Variants in GRID1 observed in about 807,000 individuals in gnomAD.
GRID1 encodes the protein glutamate ionotropic receptor delta type subunit 1, also known as glutamate receptor ionotropic, delta-1.
A neutral mutation model predicts 98.0 loss-of-function variants in GRID1; 28 were observed. The observed-to-expected ratio is 0.29, with a 90% CI of 0.21 to 0.39. The LOEUF is 0.39. Among genes scored for constraint, GRID1 ranks in the 10% least tolerant of loss-of-function variants. The pLI is 1.00. For synonymous variants in GRID1, 553 were observed against 538.5 expected (o/e 1.03, Z -0.37); for missense variants, 1,111 against 1,340.5 (o/e 0.83, Z 2.67).
intron 15 of GRID1, among the ~76,000 whole-genome samples, chr10:85,605,136 G>T (rs1842642188): frequency 6.6e-6 from 1 of 152,202 alleles, no homozygotes; most frequent in South Asian, 2.1e-4. Context: ...CCTGACTCTT[G>T]CCCAGCATCA....
intron 5 of GRID1, among the ~76,000 whole-genome samples, chr10:85,898,673 C>A (rs2131814070): frequency 6.6e-6 from 1 of 152,232 alleles, no homozygotes; most frequent in Middle Eastern, 3.4e-3. Context: ...TCACTCTCTT[C>A]CACCTCCACA....
intron 8 of GRID1, among the ~76,000 whole-genome samples, chr10:85,787,327 C>A (rs1221519297): frequency 6.6e-6 from 1 of 152,140 alleles, no homozygotes; most frequent in Non-Finnish European, 1.5e-5. Flanking sequence ...GTCCTCAGGT[C>A]CATCTTGGCC....
intron 2 of GRID1, among the ~76,000 whole-genome samples, chr10:86,354,174 C>A (rs1046460898): frequency 2.6e-5 from 4 of 152,058 alleles, no homozygotes; most frequent in African/African-American, 7.2e-5. Flanking sequence ...AGACAGCCTT[C>A]CAGGCCAGGC....
rs777896486 is a variant in GRID1 at position 85,727,977 on chromosome 10, G to T, written c.1411C>A (p.Leu471Met). 1 of 1,613,586 alleles carries T rather than the reference G, an allele frequency of 6.2e-7. No individual in the cohort carries two copies. The highest frequency in any genetic ancestry group is 8.5e-7 in the Non-Finnish European group (1 of 1,179,632). ...KRYKGFSIDVLDALAKALGFK... is the reference protein window; with the variant it reads ...KRYKGFSIDVMDALAKALGFK... The stretch of plus-strand genomic sequence containing the variant: ...CCCAGAGCCTTGGCCAGTGCATCCA[G>T]GACATCTATGGAGAACCCTTTGTAG... The change falls in exon 10 of 16, where the codon CTG becomes ATG. Residue 471 changes from leucine (L) to methionine (M), a missense_variant. Physicochemically the swap from Leu to Met is conservative, Grantham distance 15 (BLOSUM62 2). Around this residue, in one of 3 missense-constraint regions of GRID1, gnomAD observed 762 missense variants for 869.1 expected, o/e 0.88. Transcript: ENST00000327946.
chr10:85,769,070 A>T (rs1427797458), intron 8 of GRID1, among the ~76,000 whole-genome samples: 2 of 152,186 alleles, frequency 1.3e-5, no homozygotes, highest in Admixed American at 1.3e-4. Context: ...AAACAAAAAG[A>T]CTATAGTAAT....
At chr10:85,706,618 G>A (rs1038319918) in intron 12 of GRID1, among the ~76,000 whole-genome samples, 5 of 152,174 alleles carry the variant, frequency 3.3e-5, no homozygotes, top group East Asian at 1.9e-4. Flanking sequence ...CTACTTTAAA[G>A]TTCATATGGA....
At chr10:86,229,155 C>G (rs1036878029) in intron 2 of GRID1, among the ~76,000 whole-genome samples, 1 of 152,166 alleles carries the variant, frequency 6.6e-6, no homozygotes, top group Non-Finnish European at 1.5e-5. Context: ...CCCTCAATCT[C>G]TCTAGCCATG....
intron 12 of GRID1, among the ~76,000 whole-genome samples, chr10:85,716,186 G>T (rs1305769238): frequency 6.6e-6 from 1 of 152,128 alleles, no homozygotes; most frequent in Non-Finnish European, 1.5e-5. Context: ...GATTACAGGC[G>T]TGAGACACTG....
At chr10:85,647,110 G>GT (rs1843203750) in intron 13 of GRID1, 92 bp downstream of exon 13, 1 of 968,148 alleles carries the variant, frequency 1.0e-6, no homozygotes, top group Non-Finnish European at 1.6e-6. Context: ...GCTGCTCAGA[G>GT]GCAGATGCCC....
intron 4 of GRID1, among the ~76,000 whole-genome samples, chr10:86,068,407 G>C (rs1277560309): frequency 6.6e-6 from 1 of 152,312 alleles, no homozygotes; most frequent in East Asian, 1.9e-4. Flanking sequence ...CCCCCACTGA[G>C]GAGTTCAAAT....
intron 2 of GRID1, among the ~76,000 whole-genome samples, chr10:86,234,934 A>C (rs1846513847): frequency 6.6e-6 from 1 of 152,224 alleles, no homozygotes; most frequent in Non-Finnish European, 1.5e-5. Flanking sequence ...AAATCAATAG[A>C]GCTGGAGAAA....
chr10:86,119,917 A>C (rs1042184747), intron 4 of GRID1, among the ~76,000 whole-genome samples: 1 of 151,876 alleles, frequency 6.6e-6, no homozygotes, highest in Non-Finnish European at 1.5e-5. Context: ...CAGCCTCCCG[A>C]GTAGCTGGGA....
chr10:86,235,829 T>C (rs527771355), intron 2 of GRID1, among the ~76,000 whole-genome samples: 1 of 152,392 alleles, frequency 6.6e-6, no homozygotes, highest in Non-Finnish European at 1.5e-5. Flanking sequence ...TTTGAGGCCA[T>C]CATACATAAT....
At chr10:85,762,691 T>C (rs1842158523) in intron 8 of GRID1, among the ~76,000 whole-genome samples, 1 of 152,138 alleles carries the variant, frequency 6.6e-6, no homozygotes, top group Non-Finnish European at 1.5e-5. Flanking sequence ...TTCACAGACA[T>C]GAGAAACCAG....
intron 4 of GRID1, among the ~76,000 whole-genome samples, chr10:86,095,600 T>C (rs927616266): frequency 7.9e-5 from 12 of 151,358 alleles, no homozygotes; most frequent in Non-Finnish European, 1.5e-5. Context: ...AACAAACATA[T>C]CAAAAAAATG....
intron 2 of GRID1, among the ~76,000 whole-genome samples, chr10:86,224,141 G>A (rs960388049): frequency 6.6e-6 from 1 of 152,082 alleles, no homozygotes; most frequent in Non-Finnish European, 1.5e-5. Context: ...TTGAACTCCC[G>A]GAATCCCCAC....
intron 4 of GRID1, among the ~76,000 whole-genome samples, chr10:85,975,926 A>G (rs934395804): frequency 6.6e-6 from 1 of 152,154 alleles, no homozygotes; most frequent in Admixed American, 6.5e-5. Context: ...TTCTTCCAAA[A>G]TCTGTCATTT....
intron 4 of GRID1, among the ~76,000 whole-genome samples, chr10:85,954,661 C>G (rs530977679): frequency 6.6e-6 from 1 of 152,274 alleles, no homozygotes; most frequent in East Asian, 1.9e-4. Context: ...CTAGCATAAG[C>G]ATAAAATAGC....
intron 5 of GRID1, among the ~76,000 whole-genome samples, chr10:85,871,434 A>G (rs534257648): frequency 3.5e-4 from 54 of 152,354 alleles, no homozygotes; most frequent in African/African-American, 1.0e-3. Flanking sequence ...GTATAAGCCA[A>G]CAATTTCAGT....
Sources: gnomAD v4.1 joint callset for allele counts (sites outside exome capture counted in the v4.1 genomes callset) on GRCh38, gnomAD v4.1.1 for gene constraint, gnomAD v4.1.1 regional missense constraint, MANE v1.5 for transcripts, NCBI Gene and HGNC (gene_info 2026-07-23, HGNC 2026-07-21) for gene names.